DIPK2B: variants seen among roughly 807,000 people sequenced by gnomAD.
The protein encoded by DIPK2B is divergent protein kinase domain 2B.
A neutral mutation model predicts 22.2 loss-of-function variants in DIPK2B; 15 were observed. The ratio of observed to expected loss-of-function variants is 0.68; its 90% CI spans 0.45 to 1.04. The LOEUF is 1.04. Ranked by LOEUF, DIPK2B falls within the 50% of genes least tolerant of loss-of-function variation. The pLI is 0.00. For synonymous variants in DIPK2B, 163 were observed against 153.2 expected, an observed-to-expected ratio of 1.06 and a Z score of -0.47; for missense variants, 345 against 348.3, an observed-to-expected ratio of 0.99 and a Z score of 0.08.
intron 2 of DIPK2B, among the ~76,000 whole-genome samples, chrX:45,181,720 C>G (rs993439255): frequency 1.8e-5 from 2 of 111,992 alleles, no homozygotes; most frequent in African/African-American, 6.5e-5. Flanking sequence ...TTATAGATCT[C>G]TATATGAGAG....
At chrX:45,187,550 T>G (rs2047190606) in intron 2 of DIPK2B, among the ~76,000 whole-genome samples, 1 of 110,607 alleles carries the variant, frequency 9.0e-6, no homozygotes, top group Non-Finnish European at 1.9e-5. Flanking sequence ...CCTGTCGTCT[T>G]CCTTAGCAGC....
chrX:45,153,126 GTTTAA>G (rs1161856287), intron 4 of DIPK2B, among the ~76,000 whole-genome samples: 1 of 111,521 alleles, frequency 9.0e-6, no homozygotes, highest in African/African-American at 3.3e-5. Flanking sequence ...TAAATGTGTG[GTTTAA>G]TTTGTCTATT....
chrX:45,159,830 A>G (rs1476433590), intron 2 of DIPK2B, among the ~76,000 whole-genome samples: 2 of 112,417 alleles, frequency 1.8e-5, no homozygotes, highest in African/African-American at 6.5e-5. Context: ...CATTGATATG[A>G]AGACAAATAT....
At chrX:45,169,138 A>G (rs931997150) in intron 2 of DIPK2B, among the ~76,000 whole-genome samples, 1 of 111,589 alleles carries the variant, frequency 9.0e-6, no homozygotes, top group African/African-American at 3.3e-5. Context: ...AAATCAGGAC[A>G]ACAGGCATCC....
At chrX:45,157,554 G>A (rs193112983) in intron 3 of DIPK2B, among the ~76,000 whole-genome samples, 161 bp downstream of exon 3, 1 of 111,625 alleles carries the variant, frequency 9.0e-6, no homozygotes, top group Non-Finnish European at 1.9e-5. Context: ...AGCAGCCACA[G>A]CACTTTCACA....
chrX:45,154,257 T>C, intron 3 of DIPK2B, 59 bp from the exon 4 acceptor site: 1 of 964,130 alleles, frequency 1.0e-6, no homozygotes, highest in East Asian at 3.4e-5. Context: ...TCTCTATCTG[T>C]CTATTATCTC....
In DIPK2B at chrX:45,150,500, G is replaced by T. The variant is rs148680906; in HGVS notation, c.*1152C>A. 2 of 111,899 alleles carry T rather than the reference G, an allele frequency of 1.8e-5. No homozygotes were observed. Among genetic ancestry groups the T allele is most frequent in the Non-Finnish European group, 3.8e-5 (2 of 53,166 alleles). The allele number at this position is 111,899 out of a possible 1,213,427, so 9.2% of individuals were successfully genotyped here. On this transcript the variant is annotated 3_prime_UTR_variant, in exon 5 of 5. Coordinates refer to ENST00000398000, the MANE Select transcript of DIPK2B (RefSeq NM_176819.4). Reference sequence around the variant, plus strand: ...CTTAGAGTCCCAACTCGGAGCATGCGGTGTGGAGAGAGCTGGTCCAGGGCC... The same window carrying T: ...CTTAGAGTCCCAACTCGGAGCATGCTGTGTGGAGAGAGCTGGTCCAGGGCC...
At chrX:45,170,255 A>G (rs1162854881) in intron 2 of DIPK2B, among the ~76,000 whole-genome samples, 1 of 108,128 alleles carries the variant, frequency 9.2e-6, no homozygotes, top group African/African-American at 3.4e-5. Context: ...AAAAAAAAAA[A>G]AAAAAAAAAG....
intron 1 of DIPK2B, among the ~76,000 whole-genome samples, chrX:45,193,200 T>C (rs929545729): frequency 8.9e-6 from 1 of 112,685 alleles, no homozygotes; most frequent in African/African-American, 3.2e-5. Flanking sequence ...TCTTTTTGAT[T>C]TGTGTATGAA....
intron 2 of DIPK2B, among the ~76,000 whole-genome samples, chrX:45,160,936 C>A (rs1169848237): frequency 8.9e-6 from 1 of 112,038 alleles, no homozygotes; most frequent in Non-Finnish European, 1.9e-5. Context: ...AGGCATATGG[C>A]CACCCCAAAT....
chrX:45,198,995 C>T (rs758149934), intron 1 of DIPK2B, among the ~76,000 whole-genome samples: 4 of 111,385 alleles, frequency 3.6e-5, no homozygotes, highest in East Asian at 2.8e-4. Context: ...CCACTTTGCA[C>T]GAGCTCTTCC....
intron 1 of DIPK2B, among the ~76,000 whole-genome samples, chrX:45,192,452 TGTCA>T (rs1464577816): frequency 9.1e-6 from 1 of 109,378 alleles, no homozygotes; most frequent in Non-Finnish European, 1.9e-5. Context: ...GACCCCGGGC[TGTCA>T]GTCAGCAAAC....
At chrX:45,186,838 C>T (rs12006566) in intron 2 of DIPK2B, among the ~76,000 whole-genome samples, 27,154 of 111,214 alleles carry the variant, frequency 0.24, 3,038 homozygotes, top group African/African-American at 0.45. Flanking sequence ...CCCTTATGCC[C>T]TCCTAGCGCC....
intron 2 of DIPK2B, among the ~76,000 whole-genome samples, chrX:45,183,062 CA>C (rs2047163375): frequency 3.6e-5 from 4 of 111,890 alleles, no homozygotes; most frequent in Non-Finnish European, 5.6e-5. Context: ...AAAATTTATC[CA>C]GCTATGCACT....
intron 1 of DIPK2B, among the ~76,000 whole-genome samples, chrX:45,193,672 A>G (rs1201863700): frequency 1.8e-5 from 2 of 112,698 alleles, no homozygotes; most frequent in Non-Finnish European, 3.8e-5. Context: ...ATGCAGGACA[A>G]TGCAAATTGC....
At position 45,154,332 on chromosome X, in the gene DIPK2B, TCAATC is replaced by T. The variant is rs1198195089; in HGVS notation, c.673-139_673-135del. ...CTATCTATCTATCTGTCTATCTATA[TCAATC>T]ATCTATATCTATCATCTATCTCTAT... On this transcript the variant is annotated intron_variant, in intron 3 of 4. Transcript: ENST00000398000. 4.0e-4 allele frequency: 229 copies of T among 577,802 alleles called. 1 individual carries two copies. In the African/African-American group the frequency reaches 4.5e-3, roughly 11 times the overall value. 47.6% of individuals were successfully genotyped at this position (577,802 alleles called of 1,213,427 possible). A position where few individuals can be genotyped will look rare whatever the true frequency, so the allele number is the denominator to read the frequency against.
chrX:45,168,121 T>C (rs766664394), intron 2 of DIPK2B, among the ~76,000 whole-genome samples: 1 of 112,865 alleles, frequency 8.9e-6, no homozygotes, highest in South Asian at 3.6e-4. Context: ...AAAATCTAAG[T>C]AGATAGCTCC....
intron 2 of DIPK2B, among the ~76,000 whole-genome samples, chrX:45,185,653 CT>C (rs147218566): frequency 0.076 from 6,578 of 86,230 alleles, 199 homozygotes; most frequent in African/African-American, 0.11. Context: ...CTTTTCTTTT[CT>C]TTTTTTTTTT....
chrX:45,165,405 T>A (rs1603100718), intron 2 of DIPK2B, among the ~76,000 whole-genome samples: 1 of 111,642 alleles, frequency 9.0e-6, no homozygotes, highest in African/African-American at 3.3e-5. Context: ...AAATCATAGC[T>A]GCTTGAAGGA....
Sources: gnomAD v4.1 joint callset for allele counts (sites outside exome capture counted in the v4.1 genomes callset) on GRCh38, gnomAD v4.1.1 for gene constraint, MANE v1.5 for transcripts, NCBI Gene and HGNC (gene_info 2026-07-23, HGNC 2026-07-21) for gene names.